Variants in SV2B observed in about 807,000 individuals in gnomAD.
The protein encoded by SV2B is synaptic vesicle glycoprotein 2B.
In SV2B, 41 loss-of-function variants were observed where a neutral mutation model predicts 73.9. The ratio of observed to expected loss-of-function variants is 0.56; its 90% CI spans 0.43 to 0.72. The LOEUF (loss-of-function observed/expected upper bound fraction) is 0.72. SV2B is among the 30% of genes least tolerant of loss of function. The probability of loss-of-function intolerance (pLI) is 0.00; values close to 1 mark genes in which losing one functional copy is unlikely to be tolerated. For missense variants in SV2B, 764 were observed against 857.8 expected, an observed-to-expected ratio of 0.89 and a Z score of 1.37; for synonymous variants, 314 against 314.2, an observed-to-expected ratio of 1.00 and a Z score of 0.01.
rs148674223 is a variant in SV2B at position 91,145,834 on chromosome 15, G to A, written c.-392+45471G>A. 2.4e-3 allele frequency among the ~76,000 whole-genome samples: 366 copies of A among 152,128 alleles called. 5 individuals carry two copies. The highest frequency in any genetic ancestry group is 7.8e-3 in the African/African-American group (325 of 41,524). ...TGTCCTTTGCCCACTTTTTAATGAC[G>A]TTGTTTTTTTCTTATAAATTTAAGT... On this transcript the variant is annotated intron_variant, in intron 1 of 12. Coordinates refer to ENST00000394232, the MANE Select transcript of SV2B (RefSeq NM_001323032.3).
Position 91,298,494 on chromosome 15 carries a change from C to G in SV2B, c.*5942C>G, listed in dbSNP as rs1017829514. On this transcript the variant is annotated 3_prime_UTR_variant, in exon 13 of 13. Coordinates refer to ENST00000394232, the MANE Select transcript of SV2B (RefSeq NM_001323032.3). The surrounding 1 kb of genome is among the most constrained non-coding windows in gnomAD (Gnocchi z 5.4). ...CAAAAAGATGAATGATGAAATGAAA[C>G]AGACTGAAGCTATCTCACAAATGTT... The G allele has an allele frequency of 2.0e-5, 3 of 152,156 alleles. No individual in the cohort carries two copies. The highest frequency in any genetic ancestry group is 2.9e-5 in the Non-Finnish European group (2 of 68,020). 9.4% of individuals were successfully genotyped at this position (152,156 alleles called of 1,614,324 possible). A position where few individuals can be genotyped will look rare whatever the true frequency, so the allele number is the denominator to read the frequency against.
intron 1 of SV2B, among the ~76,000 whole-genome samples, chr15:91,114,468 C>T (rs1212390100): frequency 6.6e-6 from 1 of 152,180 alleles, no homozygotes; most frequent in African/African-American, 2.4e-5. Flanking sequence ...GTCATCCAGC[C>T]AAGGGATTAA....
chr15:91,268,599 A>G lies in SV2B; in HGVS notation c.1367A>G (p.Asn456Ser). 1 of 1,612,902 alleles carries G rather than the reference A, an allele frequency of 6.2e-7. No homozygotes were observed. Residue 456 changes from asparagine to serine, a missense_variant, in exon 9 of 13, where the codon AAT (asparagine) becomes AGT (serine). Coordinates refer to ENST00000394232, the MANE Select transcript of SV2B (RefSeq NM_001323032.3). This position sits in a 1 kb window ranked among gnomAD's most constrained non-coding sequence, Gnocchi z 4.4. Reference sequence around the variant, plus strand: ...ATCCACCAACATGGGAAACTTGTGAATGATAAGTAAGTGAGTGATCACGGG... The same window carrying G: ...ATCCACCAACATGGGAAACTTGTGAGTGATAAGTAAGTGAGTGATCACGGG... ...NQIHQHGKLVNDKFTRMYFKH... is the reference protein window; with the variant it reads ...NQIHQHGKLVSDKFTRMYFKH...
intron 1 of SV2B, among the ~76,000 whole-genome samples, chr15:91,207,936 A>G (rs1216728973): frequency 6.6e-6 from 1 of 152,212 alleles, no homozygotes; most frequent in African/African-American, 2.4e-5. Context: ...GAAGAAGGTC[A>G]GAGAGTGACT....
chr15:91,227,447 C>G lies in SV2B; in HGVS notation c.451+733C>G, dbSNP rs571317974. Among the ~76,000 whole-genome samples the G allele has an allele frequency of 6.6e-6, 1 of 152,316 alleles. No individual in the cohort carries two copies. Among genetic ancestry groups the G allele is most frequent in the Non-Finnish European group, 1.5e-5 (1 of 68,028 alleles). ...GTGTGATGTAGAAAAGATTCATCAT[C>G]ATATGGACAAGCATTTGTCTTTAGT... On this transcript the variant is annotated intron_variant, in intron 2 of 12. Transcript: ENST00000394232. The surrounding 1 kb of genome is among the most constrained non-coding windows in gnomAD (Gnocchi z 4.5).
chr15:91,181,446 A>T (rs1398515396), intron 1 of SV2B, among the ~76,000 whole-genome samples: 1 of 152,006 alleles, frequency 6.6e-6, no homozygotes. Context: ...GGGTCATTTA[A>T]GTCTGCAGAG....
chr15:91,259,891 C>T (rs528397019), intron 5 of SV2B, among the ~76,000 whole-genome samples: 3 of 152,224 alleles, frequency 2.0e-5, no homozygotes, highest in East Asian at 1.9e-4. Flanking sequence ...ACCCTATTTC[C>T]GAATAAAGTC....
At position 91,211,534 on chromosome 15, in the gene SV2B, C is replaced by T. The variant is rs554256693; in HGVS notation, c.-391-14339C>T. ...TTTTTTTTTTTTTTTGTTGGAGTCT[C>T]GCTCTGTCGCCCAGGCTGGAGTACA... On this transcript the variant is annotated intron_variant, in intron 1 of 12. Transcript: ENST00000394232. Among the ~76,000 whole-genome samples the T allele has an allele frequency of 4.8e-5, 7 of 146,232 alleles. No homozygotes were observed. In the East Asian group the frequency reaches 6.0e-4, roughly 12 times the overall value.
chr15:91,254,236 T>C (rs969361318), intron 4 of SV2B, among the ~76,000 whole-genome samples: 12 of 116,374 alleles, frequency 1.0e-4, no homozygotes, highest in Non-Finnish European at 1.8e-4. Flanking sequence ...TTTCACTTCT[T>C]TTTTTTTTTT....
At chr15:91,146,091 C>T (rs145117332) in intron 1 of SV2B, among the ~76,000 whole-genome samples, 1 of 152,250 alleles carries the variant, frequency 6.6e-6, no homozygotes, top group African/African-American at 2.4e-5. Context: ...CCTAGGTTGT[C>T]TTCCAGAGTT....
Position 91,268,776 on chromosome 15 carries a change from T to C in SV2B, c.1373+171T>C, listed in dbSNP as rs911849391. Among the ~76,000 whole-genome samples, 3 of 152,292 alleles carry C rather than the reference T, an allele frequency of 2.0e-5. No homozygotes were observed. Among genetic ancestry groups the C allele is most frequent in the Middle Eastern group, 3.4e-3 (1 of 294 alleles). ...GCCAGTGACGCCATAGCTCCCCTAG[T>C]GGCTGTGTCTGTGTTGTGCTGGCTC... On this transcript the variant is annotated intron_variant, in intron 9 of 12. Transcript: ENST00000394232. This position sits in a 1 kb window ranked among gnomAD's most constrained non-coding sequence, Gnocchi z 4.4.
At chr15:91,185,457 C>T (rs150306168) in intron 1 of SV2B, among the ~76,000 whole-genome samples, 4 of 152,304 alleles carry the variant, frequency 2.6e-5, no homozygotes, top group Non-Finnish European at 5.9e-5. Context: ...AGGTATCCCG[C>T]TGTCTCCATC....
intron 1 of SV2B, among the ~76,000 whole-genome samples, chr15:91,210,708 C>T (rs1197121148): frequency 3.3e-5 from 5 of 152,186 alleles, no homozygotes; most frequent in African/African-American, 1.2e-4. Flanking sequence ...CCAGTGTCCC[C>T]TATTGGAGCA....
rs2049092796 is a variant in SV2B at position 91,292,832 on chromosome 15, A to C, written c.*280A>C. ...AGGGAGAGGATTCTCCAGTGAGTGC[A>C]CACACTATGCGAGGAGCAAGCATTT... On this transcript the variant is annotated 3_prime_UTR_variant, in exon 13 of 13. Transcript: ENST00000394232. 2 of 304,592 alleles carry C rather than the reference A, an allele frequency of 6.6e-6. No homozygotes were observed. Among genetic ancestry groups the C allele is most frequent in the Non-Finnish European group, 1.2e-5 (2 of 165,798 alleles). 18.9% of individuals were successfully genotyped at this position (304,592 alleles called of 1,614,324 possible).
Position 91,261,108 on chromosome 15 carries a change from A to G in SV2B, c.1008+699A>G, listed in dbSNP as rs1171190913. Among the ~76,000 whole-genome samples the G allele has an allele frequency of 6.6e-6, 1 of 152,078 alleles. No individual in the cohort carries two copies. The highest frequency in any genetic ancestry group is 1.5e-5 in the Non-Finnish European group (1 of 67,994). ...AAACCCCATGTCTACTAAAAATACA[A>G]AAAAATCAGCTGGGCATGGTGGCGG... On this transcript the variant is annotated intron_variant, in intron 6 of 12. Coordinates refer to ENST00000394232, the MANE Select transcript of SV2B (RefSeq NM_001323032.3). This position sits in a 1 kb window ranked among gnomAD's most constrained non-coding sequence, Gnocchi z 4.7.
chr15:91,101,730 A>G (rs1289382694), intron 1 of SV2B: 1 of 152,100 alleles, frequency 6.6e-6, no homozygotes, highest in African/African-American at 2.4e-5. Flanking sequence ...TGACTCTCCC[A>G]CACCATTGCC....
rs777270051 is a variant in SV2B at position 91,295,885 on chromosome 15, C to T, written c.*3333C>T. 1 of 152,228 alleles carries T rather than the reference C, an allele frequency of 6.6e-6. No homozygotes were observed. The highest frequency in any genetic ancestry group is 1.5e-5 in the Non-Finnish European group (1 of 68,044). 9.4% of individuals were successfully genotyped at this position (152,228 alleles called of 1,614,324 possible). On this transcript the variant is annotated 3_prime_UTR_variant, in exon 13 of 13. Transcript: ENST00000394232. ...TGGCCACAGTTTCTGCTTCCTGCCT[C>T]ATTCCACTTGCAGTGAGCGGATATT...
chr15:91,288,798 C>T lies in SV2B; in HGVS notation c.1709-723C>T, dbSNP rs554267950. On this transcript the variant is annotated intron_variant, in intron 11 of 12. Transcript: ENST00000394232. The surrounding 1 kb of genome is among the most constrained non-coding windows in gnomAD (Gnocchi z 5.8). Reference sequence around the variant, plus strand: ...CTTCAAATAATTCTCGTGCCTCAGCCTCCCAAGTAGCTGGGATTACAGGTG... The same window carrying T: ...CTTCAAATAATTCTCGTGCCTCAGCTTCCCAAGTAGCTGGGATTACAGGTG... Among the ~76,000 whole-genome samples the T allele has an allele frequency of 3.3e-5, 5 of 152,248 alleles. No homozygotes were observed. In the East Asian group the frequency reaches 9.7e-4, roughly 29 times the overall value.
At chr15:91,112,686 G>T (rs2042070209) in intron 1 of SV2B, among the ~76,000 whole-genome samples, 1 of 152,082 alleles carries the variant, frequency 6.6e-6, no homozygotes, top group Non-Finnish European at 1.5e-5. Context: ...ACTGATTAGG[G>T]GATTTTCCCG....
Sources: allele counts gnomAD v4.1 joint callset (sites outside exome capture counted in the v4.1 genomes callset), GRCh38; gene constraint gnomAD v4.1.1; non-coding constraint Gnocchi (gnomAD v3.1); transcripts MANE v1.5; gene names NCBI Gene and HGNC (gene_info 2026-07-23, HGNC 2026-07-21).